The following APBB2 variants were observed in gnomAD, a reference collection of about 807,000 sequenced individuals.
APBB2 encodes the protein Fe65-like 1.
Under a neutral mutation model 82.5 loss-of-function variants are expected in APBB2, and 38 were observed. The observed-to-expected ratio is 0.46, with a 90% CI of 0.36 to 0.60. The LOEUF is 0.60. Among genes scored for constraint, APBB2 ranks in the 20% least tolerant of loss-of-function variants. The pLI is 0.00. For synonymous variants in APBB2, 341 were observed against 368.2 expected, an observed-to-expected ratio of 0.93 and a Z score of 0.85; for missense variants, 772 against 972.3, an observed-to-expected ratio of 0.79 and a Z score of 2.74.
intron 6 of APBB2, among the ~76,000 whole-genome samples, chr4:40,981,418 G>A (rs1380520585): frequency 6.6e-6 from 1 of 151,894 alleles, no homozygotes. Flanking sequence ...GAATTAATTC[G>A]AATCCAGAAT....
chr4:40,890,604 T>A, intron 11 of APBB2, 113 bp from the exon 12 acceptor site: 1 of 1,416,468 alleles, frequency 7.1e-7, no homozygotes, highest in Admixed American at 2.3e-5. Context: ...CACCCTGGGG[T>A]CTGTAATTTG....
intron 7 of APBB2, among the ~76,000 whole-genome samples, chr4:40,941,814 T>C (rs901918942): frequency 6.6e-6 from 1 of 152,064 alleles, no homozygotes; most frequent in Admixed American, 6.6e-5. Flanking sequence ...ATCTTTTTTT[T>C]TTTGTAGAGA....
intron 6 of APBB2, among the ~76,000 whole-genome samples, chr4:40,957,204 T>C (rs1055866318): frequency 6.6e-6 from 1 of 152,264 alleles, no homozygotes; most frequent in African/African-American, 2.4e-5. Flanking sequence ...TACATTCATA[T>C]GTGGCTTTGG....
At chr4:40,960,543 G>A (rs1792886474) in intron 6 of APBB2, among the ~76,000 whole-genome samples, 1 of 149,070 alleles carries the variant, frequency 6.7e-6, no homozygotes, top group Non-Finnish European at 1.5e-5. Context: ...TGCCTCCCGA[G>A]TTCACGCCAT....
intron 3 of APBB2, among the ~76,000 whole-genome samples, chr4:41,079,813 C>T (rs1414198286): frequency 6.6e-6 from 1 of 152,164 alleles, no homozygotes; most frequent in African/African-American, 2.4e-5. Context: ...TCCCAAAGTG[C>T]TGGGATTACA....
At chr4:40,877,763 G>C (rs1045222537) in intron 12 of APBB2, among the ~76,000 whole-genome samples, 1 of 152,168 alleles carries the variant, frequency 6.6e-6, no homozygotes, top group Non-Finnish European at 1.5e-5. Context: ...ATTCACTCAG[G>C]AGCTCTCCTT....
intron 12 of APBB2, among the ~76,000 whole-genome samples, chr4:40,877,884 G>A (rs985344074): frequency 2.6e-5 from 4 of 152,180 alleles, no homozygotes; most frequent in South Asian, 2.1e-4. Flanking sequence ...GCCACACCCC[G>A]GGCAGAGCAG....
chr4:40,981,566 C>G (rs1246089178), intron 6 of APBB2, among the ~76,000 whole-genome samples: 1 of 152,086 alleles, frequency 6.6e-6, no homozygotes, highest in East Asian at 1.9e-4. Context: ...CAGCAATATG[C>G]AAACACATTA....
intron 2 of APBB2, among the ~76,000 whole-genome samples, chr4:41,104,971 T>C (rs1746677697): frequency 6.6e-6 from 1 of 152,204 alleles, no homozygotes; most frequent in Non-Finnish European, 1.5e-5. Context: ...ATTTAAGTGA[T>C]GTGTCCCTTT....
chr4:40,925,427 G>A (rs1024439450), intron 10 of APBB2, among the ~76,000 whole-genome samples: 25 of 152,178 alleles, frequency 1.6e-4, no homozygotes, highest in African/African-American at 5.8e-4. Context: ...CTTGCCCAAG[G>A]TCATCCAGCT....
chr4:41,181,118 T>A (rs1282872714), intron 1 of APBB2, among the ~76,000 whole-genome samples: 1 of 152,328 alleles, frequency 6.6e-6, no homozygotes, highest in African/African-American at 2.4e-5. Context: ...AATATCTCCT[T>A]TGATTATGAA....
chr4:40,883,168 C>A (rs1434237043), intron 12 of APBB2, among the ~76,000 whole-genome samples: 1 of 152,200 alleles, frequency 6.6e-6, no homozygotes, highest in Non-Finnish European at 1.5e-5. Context: ...CAGTGGACTG[C>A]AGAGTACTTG....
chr4:40,904,422 CT>C (rs949331899), intron 10 of APBB2, among the ~76,000 whole-genome samples: 2 of 144,560 alleles, frequency 1.4e-5, no homozygotes, highest in African/African-American at 2.5e-5. Flanking sequence ...CAGAGTGAGA[CT>C]CCATCAAATA....
At chr4:41,007,868 T>C (rs2154425978) in intron 6 of APBB2, among the ~76,000 whole-genome samples, 1 of 152,248 alleles carries the variant, frequency 6.6e-6, no homozygotes, top group Non-Finnish European at 1.5e-5. Context: ...GAGCTCTAAG[T>C]CTAAATGGAA....
chr4:40,908,246 G>A (rs556060873), intron 10 of APBB2, among the ~76,000 whole-genome samples: 1 of 152,220 alleles, frequency 6.6e-6, no homozygotes, highest in South Asian at 2.1e-4. Context: ...CAGTGACCTT[G>A]GGCTCCCAGC....
At position 40,841,959 on chromosome 4, in the gene APBB2, C is replaced by T. The variant is rs557965440; in HGVS notation, c.1530-11382G>A. Among the ~76,000 whole-genome samples, 18 of 152,324 alleles carry T rather than the reference C, an allele frequency of 1.2e-4. No individual in the cohort carries two copies. In the East Asian group the frequency reaches 2.7e-3, roughly 23 times the overall value. On this transcript the variant is annotated intron_variant, in intron 12 of 17. Coordinates refer to ENST00000508593, the MANE Select transcript of APBB2 (RefSeq NM_004307.2). ...CCTCCCAAAGTGTTAGGATTACAGG[C>T]GTGAGCCACCACGCCCGGCCATGAT...
At chr4:41,179,427 C>A (rs1770734616) in intron 1 of APBB2, among the ~76,000 whole-genome samples, 2 of 152,138 alleles carry the variant, frequency 1.3e-5, no homozygotes, top group East Asian at 3.8e-4. Flanking sequence ...TAGATTCACA[C>A]AACATACACA....
chr4:41,034,289 G>C (rs953678541), intron 4 of APBB2, among the ~76,000 whole-genome samples: 1 of 152,112 alleles, frequency 6.6e-6, no homozygotes, highest in Non-Finnish European at 1.5e-5. Flanking sequence ...TAGGAAAAAT[G>C]AAGTGGATCT....
At chr4:41,128,243 T>C (rs1277588338) in intron 2 of APBB2, among the ~76,000 whole-genome samples, 1 of 152,132 alleles carries the variant, frequency 6.6e-6, no homozygotes, top group Non-Finnish European at 1.5e-5. Context: ...GCCAGAATGG[T>C]TATTATTAAA....
Sources: gnomAD v4.1 joint callset for allele counts (sites outside exome capture counted in the v4.1 genomes callset) on GRCh38, gnomAD v4.1.1 for gene constraint, MANE v1.5 for transcripts, NCBI Gene and HGNC (gene_info 2026-07-23, HGNC 2026-07-21) for gene names.